The following CSN3 variants were observed in gnomAD, a reference collection of about 807,000 sequenced individuals.
CSN3 encodes the protein kappa-casein.
CSN3 carries 7 observed loss-of-function variants against 9.9 expected under a neutral mutation model. That is an observed-to-expected ratio of 0.71 (90% confidence interval 0.40 to 1.33). The LOEUF (loss-of-function observed/expected upper bound fraction) is 1.33, where lower values mean the gene tolerates loss of function less well. Ranked by LOEUF, CSN3 falls within the 40% of genes most tolerant of loss-of-function variation. The probability of loss-of-function intolerance (pLI) is 0.01; values close to 1 mark genes in which losing one functional copy is unlikely to be tolerated. For synonymous variants in CSN3, 88 were observed against 82.3 expected (o/e 1.07, Z -0.37); for missense variants, 253 against 227.9 (o/e 1.11, Z -0.71).
At chr4:70,251,012 G>A (rs1328199725) in intron 4 of CSN3, among the ~76,000 whole-genome samples, 2 of 152,210 alleles carry the variant, frequency 1.3e-5, no homozygotes, top group Admixed American at 6.5e-5. Context: ...TATTTAATAA[G>A]TAGTTACATA....
Position 70,247,862 on chromosome 4 carries a change from T to C in CSN3, c.87+12T>C, listed in dbSNP as rs1188073582. ...AGAAACAACCAGCAGTAAGTCTATT[T>C]TAATTACTTCTGTTACAGGCATGAA... On this transcript the variant is annotated intron_variant, in intron 3 of 4. Coordinates refer to ENST00000304954, the Ensembl canonical transcript of CSN3. 6 of 1,592,780 alleles carry C rather than the reference T, an allele frequency of 3.8e-6. No individual in the cohort carries two copies. The highest frequency in any genetic ancestry group is 5.1e-6 in the Non-Finnish European group (6 of 1,170,320).
upstream of CSN3, among the ~76,000 whole-genome samples, chr4:70,239,058 G>A (rs1730224189): frequency 6.6e-6 from 1 of 151,758 alleles, no homozygotes; most frequent in South Asian, 2.1e-4. Context: ...TAAGGTTACA[G>A]GAATTGAGTA....
At chr4:70,241,534 G>C (rs994376260), upstream of CSN3, among the ~76,000 whole-genome samples, 11 of 151,966 alleles carry the variant, frequency 7.2e-5, no homozygotes, top group Non-Finnish European at 8.8e-5. Flanking sequence ...GGTCTTCACA[G>C]CCAAAATAAG....
intron 2 of CSN3, 126 bp from the exon 3 acceptor site, chr4:70,247,692 A>G: frequency 1.2e-6 from 1 of 806,058 alleles, no homozygotes; most frequent in Non-Finnish European, 2.0e-6. Flanking sequence ...CTCATGAAAA[A>G]TGTTTTAAAA....
rs1235217348 is a variant in CSN3 at position 70,247,798 on chromosome 4, C to A, written c.55-20C>A. On this transcript the variant is annotated intron_variant, in intron 2 of 4. Transcript: ENST00000304954. The stretch of plus-strand genomic sequence containing the variant: ...TTTTTTAACTTATTTCTCATTATTT[C>A]TTCTTCTGGAACTCCCCAGGCTGTG... 6 of 1,573,822 alleles carry A rather than the reference C, an allele frequency of 3.8e-6. No individual in the cohort carries two copies. In the African/African-American group the frequency reaches 4.2e-5, roughly 11 times the overall value.
At chr4:70,240,265 G>A (rs1730247462), upstream of CSN3, among the ~76,000 whole-genome samples, 1 of 151,942 alleles carries the variant, frequency 6.6e-6, no homozygotes, top group Non-Finnish European at 1.5e-5. Context: ...TGCTTAAAAT[G>A]TGAACTTATG....
intron 1 of CSN3, among the ~76,000 whole-genome samples, chr4:70,244,611 A>G (rs568173303): frequency 1.3e-5 from 2 of 152,126 alleles, no homozygotes; most frequent in Admixed American, 1.3e-4. Flanking sequence ...TTCCGTTAAT[A>G]TTGTCAAAAA....
chr4:70,247,152 G>A (rs1321301624), intron 2 of CSN3, among the ~76,000 whole-genome samples: 1 of 152,000 alleles, frequency 6.6e-6, no homozygotes, highest in Admixed American at 6.6e-5. Context: ...TCCTAAAACA[G>A]AACTGTCAAT....
chr4:70,249,142 C>T (rs749755921), exon 4 of CSN3: 27 of 1,613,892 alleles, frequency 1.7e-5, no homozygotes, highest in South Asian at 3.3e-5. Flanking sequence ...ATATGTGCCT[C>T]GCACATATTA....
intron 2 of CSN3, among the ~76,000 whole-genome samples, chr4:70,245,510 C>G (rs140240883): frequency 1.2e-3 from 181 of 152,192 alleles, no homozygotes; most frequent in African/African-American, 4.3e-3. Context: ...GGCTACTGGA[C>G]TTAGAAAAAG....
At chr4:70,247,990 A>G in intron 3 of CSN3, 140 bp downstream of exon 3, 1 of 563,612 alleles carries the variant, frequency 1.8e-6, no homozygotes, top group Non-Finnish European at 2.9e-6. Context: ...TTTGCAAGAA[A>G]ATAATTTCAG....
At chr4:70,248,866 G>T (rs1430554800) in intron 3 of CSN3, 132 bp from the exon 4 acceptor site, 4 of 498,202 alleles carry the variant, frequency 8.0e-6, no homozygotes, top group Non-Finnish European at 1.4e-5. Flanking sequence ...AAATAATATT[G>T]CTGCTGGGTT....
chr4:70,245,487 T>C (rs1730359739), intron 2 of CSN3, among the ~76,000 whole-genome samples: 1 of 152,210 alleles, frequency 6.6e-6, no homozygotes, highest in Non-Finnish European at 1.5e-5. Context: ...TTGAATTATA[T>C]GCAATGTTTT....
upstream of CSN3, among the ~76,000 whole-genome samples, chr4:70,240,588 G>C (rs921285377): frequency 6.6e-6 from 1 of 151,888 alleles, no homozygotes; most frequent in Admixed American, 6.6e-5. Flanking sequence ...TTTCGAAAAC[G>C]CAAGAGCATT....
At chr4:70,241,183 G>A (rs961621847), upstream of CSN3, among the ~76,000 whole-genome samples, 1 of 151,704 alleles carries the variant, frequency 6.6e-6, no homozygotes, top group African/African-American at 2.4e-5. Context: ...TTTCAACCAC[G>A]GACCCTGATA....
At chr4:70,250,365 A>G (rs531728547) in intron 4 of CSN3, among the ~76,000 whole-genome samples, 1 of 152,290 alleles carries the variant, frequency 6.6e-6, no homozygotes, top group Non-Finnish European at 1.5e-5. Context: ...CTGTGATATC[A>G]TGGGACTACC....
chr4:70,241,785 A>C (rs1198488812), upstream of CSN3, among the ~76,000 whole-genome samples: 1 of 152,050 alleles, frequency 6.6e-6, no homozygotes, highest in Non-Finnish European at 1.5e-5. Flanking sequence ...AAAATCTTAA[A>C]AAAAGTTTAT....
intron 4 of CSN3, 53 bp downstream of exon 4, chr4:70,249,546 G>T (rs1730446374): frequency 9.6e-7 from 1 of 1,037,670 alleles, no homozygotes; most frequent in Non-Finnish European, 1.4e-6. Flanking sequence ...ATGGATTTAT[G>T]AATACAACCA....
upstream of CSN3, among the ~76,000 whole-genome samples, chr4:70,240,549 T>C (rs1021083840): frequency 2.0e-5 from 3 of 151,988 alleles, no homozygotes; most frequent in Non-Finnish European, 4.4e-5. Flanking sequence ...TTTCAGAGCA[T>C]GCGAGTTCTG....
Sources: allele counts gnomAD v4.1 joint callset (sites outside exome capture counted in the v4.1 genomes callset), GRCh38; gene constraint gnomAD v4.1.1; transcripts MANE v1.5; gene names NCBI Gene and HGNC (gene_info 2026-07-23, HGNC 2026-07-21).